The following CAST variants were observed in gnomAD, a reference collection of about 807,000 sequenced individuals.
CAST encodes the protein calpastatin, also known as MIR583 host.
A neutral mutation model predicts 119.6 loss-of-function variants in CAST; 76 were observed. The ratio of observed to expected loss-of-function variants is 0.64; its 90% confidence interval spans 0.53 to 0.77. The LOEUF (loss-of-function observed/expected upper bound fraction) is 0.77, where lower values mean the gene tolerates loss of function less well. Ranked by LOEUF, CAST falls within the 30% of genes least tolerant of loss-of-function variation. The pLI is 0.00. For synonymous variants in CAST, 319 were observed against 331.6 expected (o/e 0.96, Z 0.41); for missense variants, 953 against 946.5 (o/e 1.01, Z -0.09).
chr5:96,100,871 A>G, the CAST span, among the ~76,000 whole-genome samples: 1 of 152,170 alleles, frequency 6.6e-6, no homozygotes, highest in Non-Finnish European at 1.5e-5. Context: ...TATACTATAT[A>G]TATTATGTAC....
upstream of CAST, among the ~76,000 whole-genome samples, chr5:96,525,830 G>A (rs1745590026): frequency 6.6e-6 from 1 of 152,218 alleles, no homozygotes; most frequent in African/African-American, 2.4e-5. Flanking sequence ...GGCGTGCTGA[G>A]GTTGTCTTCC....
the CAST span, chr5:96,425,689 A>T: frequency 1.5e-6 from 1 of 678,460 alleles, no homozygotes; most frequent in East Asian, 2.7e-5. Flanking sequence ...ATCAGCCCTA[A>T]TCTCCAGACA....
At chr5:95,997,338 C>A in the CAST span, among the ~76,000 whole-genome samples, 1 of 152,168 alleles carries the variant, frequency 6.6e-6, no homozygotes, top group Non-Finnish European at 1.5e-5. Context: ...CTCTCTGTGA[C>A]ACTATCTCTG....
chr5:96,159,094 A>G, the CAST span, among the ~76,000 whole-genome samples: 2 of 152,244 alleles, frequency 1.3e-5, no homozygotes, highest in Non-Finnish European at 2.9e-5. Flanking sequence ...TAGGCTTAAA[A>G]AGAAAAATTT....
At chr5:96,566,818 C>T (rs957571809) in intron 1 of CAST, among the ~76,000 whole-genome samples, 4 of 152,160 alleles carry the variant, frequency 2.6e-5, no homozygotes, top group African/African-American at 9.7e-5. Context: ...TAAAAAACTG[C>T]CACAACTTTG....
chr5:96,308,508 T>C, the CAST span, among the ~76,000 whole-genome samples: 1 of 151,828 alleles, frequency 6.6e-6, no homozygotes, highest in Non-Finnish European at 1.5e-5. Context: ...TGGAGAGGAG[T>C]TGTGATCCTT....
At chr5:96,159,246 T>C in the CAST span, among the ~76,000 whole-genome samples, 1 of 152,182 alleles carries the variant, frequency 6.6e-6, no homozygotes, top group African/African-American at 2.4e-5. Context: ...AGCCTGAGTA[T>C]TTGGGAGGCT....
At chr5:96,515,768 AG>A in the CAST span, among the ~76,000 whole-genome samples, 1 of 152,104 alleles carries the variant, frequency 6.6e-6, no homozygotes, top group Admixed American at 6.5e-5. Flanking sequence ...GCTCCTGAAG[AG>A]ACTCTGGCAA....
At chr5:96,555,989 C>T (rs533898858) in intron 1 of CAST, among the ~76,000 whole-genome samples, 2 of 152,322 alleles carry the variant, frequency 1.3e-5, no homozygotes, top group Admixed American at 1.3e-4. Flanking sequence ...CCTCACATGG[C>T]TGGGTACTCC....
chr5:96,203,967 A>C, the CAST span, among the ~76,000 whole-genome samples: 1 of 152,052 alleles, frequency 6.6e-6, no homozygotes, highest in Non-Finnish European at 1.5e-5. Flanking sequence ...ACCTAGGAGG[A>C]GTTGTGGGAA....
rs540074506 is a variant in CAST at position 96,753,988 on chromosome 5, C to G, written c.1525-72C>G. 2.0e-4 allele frequency: 174 copies of G among 849,874 alleles called. No homozygotes were observed. In the East Asian group the frequency reaches 3.8e-3, roughly 19 times the overall value. The allele number at this position is 849,874 out of a possible 1,614,324, so 52.6% of individuals were successfully genotyped here. A position where few individuals can be genotyped will look rare whatever the true frequency, so the allele number is the denominator to read the frequency against. On this transcript the variant is annotated intron_variant, in intron 20 of 31. Transcript: ENST00000675179. ...TTATCTGAAATAATGATATGCCTTT[C>G]TGAATTGATAGCATATGTTTTAAAG...
the CAST span, among the ~76,000 whole-genome samples, chr5:96,105,285 G>A: frequency 6.6e-6 from 1 of 152,186 alleles, no homozygotes; most frequent in Non-Finnish European, 1.5e-5. Context: ...GAATAGGAGT[G>A]GTGAGAGAGG....
At chr5:96,238,357 T>TCATCTTCTTCTTCTC in the CAST span, among the ~76,000 whole-genome samples, 6 of 79,598 alleles carry the variant, frequency 7.5e-5, no homozygotes, top group Admixed American at 1.6e-4. Flanking sequence ...ATCTTCATCT[T>TCATCTTCTTCTTCTC]CTTCTTCTCC....
intron 1 of CAST, among the ~76,000 whole-genome samples, chr5:96,558,615 G>T (rs1445648714): frequency 1.3e-5 from 2 of 152,132 alleles, no homozygotes; most frequent in South Asian, 2.1e-4. Flanking sequence ...TAGAAGAAAT[G>T]GATAAATTCC....
At position 96,730,692 on chromosome 5, in the gene CAST, G is replaced by T. The variant is rs1480797444; in HGVS notation, c.550-88G>T. ...TGGTGTCCGTGAGGGTGAACTGGCA[G>T]ATGTTAGTGACATTTGAAACTCATG... On this transcript the variant is annotated intron_variant, in intron 8 of 31. Transcript: ENST00000675179. 1.9e-5 allele frequency: 18 copies of T among 943,928 alleles called. No homozygotes were observed. In the African/African-American group the frequency reaches 2.9e-4, roughly 15 times the overall value. The allele number at this position is 943,928 out of a possible 1,614,324, so 58.5% of individuals were successfully genotyped here.
chr5:96,643,535 C>T (rs149931209), intron 1 of CAST, among the ~76,000 whole-genome samples: 5 of 151,912 alleles, frequency 3.3e-5, no homozygotes, highest in Admixed American at 2.0e-4. Context: ...GTCAGGAGTT[C>T]GAGACCAGTC....
the CAST span, among the ~76,000 whole-genome samples, chr5:96,314,575 T>C: frequency 6.6e-6 from 1 of 152,174 alleles, no homozygotes; most frequent in Admixed American, 6.5e-5. Flanking sequence ...GTTTGTTTAT[T>C]TGTTTTTGTT....
rs1466645961 is a variant in CAST, at chr5:96,774,549, T to C, written c.*1933T>C. 1.0e-6 allele frequency: 1 copy of C among 985,836 alleles called. No homozygotes were observed. Among genetic ancestry groups the C allele is most frequent in the Non-Finnish European group, 1.2e-6 (1 of 829,870 alleles). 61.1% of individuals were successfully genotyped at this position (985,836 alleles called of 1,614,324 possible). A position where few individuals can be genotyped will look rare whatever the true frequency, so the allele number is the denominator to read the frequency against. On this transcript the variant is annotated 3_prime_UTR_variant, in exon 32 of 32. Coordinates refer to ENST00000675179, the MANE Select transcript of CAST (RefSeq NM_001750.7). Reference sequence around the variant, plus strand: ...TGCACATTGTTGTGGCAATATTGTATCTGTTTAGAAAATGGGCTTTTCCAA... The same window carrying C: ...TGCACATTGTTGTGGCAATATTGTACCTGTTTAGAAAATGGGCTTTTCCAA...
the CAST span, among the ~76,000 whole-genome samples, chr5:96,332,962 C>T: frequency 1.3e-5 from 2 of 152,198 alleles, no homozygotes; most frequent in East Asian, 1.9e-4. Flanking sequence ...TATCGCTCAG[C>T]GTGCTGATTG....
Sources: gnomAD v4.1 joint callset for allele counts (sites outside exome capture counted in the v4.1 genomes callset) on GRCh38, gnomAD v4.1.1 for gene constraint, MANE v1.5 for transcripts, NCBI Gene and HGNC (gene_info 2026-07-23, HGNC 2026-07-21) for gene names.